Variants in PHF20L1 observed in about 807,000 individuals in gnomAD.
PHF20L1 encodes the protein PHD finger protein 20 like 1, also known as PHD finger protein 20-like protein 1.
A neutral mutation model predicts 125.5 loss-of-function variants in PHF20L1; 44 were observed. The observed-to-expected ratio is 0.35, with a 90% CI of 0.28 to 0.45. PHF20L1 has a LOEUF of 0.45. PHF20L1 is among the 20% of genes least tolerant of loss of function. The pLI, the probability that PHF20L1 is intolerant of heterozygous loss-of-function variation, is 1.00. For missense variants in PHF20L1, 1,012 were observed against 1,217.2 expected (o/e 0.83, Z 2.51); for synonymous variants, 380 against 403.1 (o/e 0.94, Z 0.69).
At chr8:132,839,242 C>T in intron 17 of PHF20L1, 145 bp from the exon 18 acceptor site, 1 of 640,962 alleles carries the variant, frequency 1.6e-6, no homozygotes, top group Non-Finnish European at 2.8e-6. Context: ...TGCACCAGTT[C>T]CTCAGAACGC....
intron 6 of PHF20L1, 115 bp downstream of exon 6, chr8:132,799,287 C>T: frequency 1.7e-6 from 1 of 606,040 alleles, no homozygotes. Context: ...TTCTTCTTTC[C>T]TTCTACAAAT....
chr8:132,827,104 A>G (rs1836267118), intron 14 of PHF20L1, among the ~76,000 whole-genome samples: 1 of 151,960 alleles, frequency 6.6e-6, no homozygotes, highest in Admixed American at 6.6e-5. Context: ...AGAGTCTTGA[A>G]CATTTCCGGG....
chr8:132,817,603 T>C (rs746049512), intron 12 of PHF20L1, 58 bp downstream of exon 12: 65 of 1,204,902 alleles, frequency 5.4e-5, no homozygotes, highest in Non-Finnish European at 7.3e-5. Context: ...CTTGCAGTTA[T>C]TAGGTATAAA....
chr8:132,778,037 A>G (rs538804483), intron 2 of PHF20L1, 126 bp downstream of exon 2: 2 of 619,088 alleles, frequency 3.2e-6, no homozygotes, highest in South Asian at 2.2e-5. Flanking sequence ...GATTACACAT[A>G]TATGTTGTTT....
chr8:132,826,018 C>T (rs1836135680), intron 14 of PHF20L1, among the ~76,000 whole-genome samples: 1 of 152,028 alleles, frequency 6.6e-6, no homozygotes, highest in Admixed American at 6.6e-5. Context: ...ATGAACACAA[C>T]TCCAAATTTA....
At chr8:132,819,208 A>T (rs1457861422) in intron 12 of PHF20L1, among the ~76,000 whole-genome samples, 1 of 151,934 alleles carries the variant, frequency 6.6e-6, no homozygotes. Context: ...AATAAGTAAG[A>T]TCGTTTTCTG....
chr8:132,840,830 G>C (rs1563855332), intron 18 of PHF20L1, among the ~76,000 whole-genome samples: 2 of 152,024 alleles, frequency 1.3e-5, no homozygotes, highest in Non-Finnish European at 2.9e-5. Flanking sequence ...ATTTTTTTAT[G>C]CTTGTCTCCC....
At chr8:132,832,058 C>T (rs140356531) in intron 14 of PHF20L1, among the ~76,000 whole-genome samples, 177 bp from the exon 15 acceptor site, 53 of 152,162 alleles carry the variant, frequency 3.5e-4, no homozygotes, top group African/African-American at 1.2e-3. Context: ...ATATTTGTTT[C>T]CCAAGTGTTC....
rs1224524957 is a variant in PHF20L1 at position 132,816,962 on chromosome 8, A to G, written c.1258A>G (p.Thr420Ala). The G allele has an allele frequency of 1.2e-6, 2 of 1,612,108 alleles. No homozygotes were observed. Among genetic ancestry groups the G allele is most frequent in the African/African-American group, 2.7e-5 (2 of 74,738 alleles). Residue 420 changes from threonine (T) to alanine (A), a missense_variant, in exon 11 of 21, where the codon ACC becomes GCC. This residue lies in a region of PHF20L1 where 119 missense variants were observed against 160.2 expected (regional missense o/e 0.74). Coordinates refer to ENST00000395386, the MANE Select transcript of PHF20L1 (RefSeq NM_016018.5). Reference protein sequence around the residue: ...ERRRRSQRLATLPMPDDSVEK... With the variant: ...ERRRRSQRLAALPMPDDSVEK... The stretch of plus-strand genomic sequence containing the variant: ...GAGAAGAAGATCTCAGCGTTTAGCC[A>G]CCTTACCCATGCCTGATGATTCTGT...
At chr8:132,823,808 T>C (rs184498271) in intron 12 of PHF20L1, among the ~76,000 whole-genome samples, 196 bp from the exon 13 acceptor site, 4 of 152,036 alleles carry the variant, frequency 2.6e-5, no homozygotes, top group Non-Finnish European at 4.4e-5. Flanking sequence ...AAAAATCACA[T>C]TTAATTTATT....
rs775534750 is a variant in PHF20L1 at position 132,797,000 on chromosome 8, A to T, written c.341-1772A>T. Among the ~76,000 whole-genome samples, 4 of 152,132 alleles carry T rather than the reference A, an allele frequency of 2.6e-5. No homozygotes were observed. In the South Asian group the frequency reaches 8.3e-4, roughly 32 times the overall value. ...GTACACACATAGCGCACACACTCAGAACAAAACCACCCTCATTCTTTATTC... is the reference window on the plus strand; with the variant it reads ...GTACACACATAGCGCACACACTCAGTACAAAACCACCCTCATTCTTTATTC... On this transcript the variant is annotated intron_variant, in intron 4 of 20. Transcript: ENST00000395386.
intron 19 of PHF20L1, 63 bp downstream of exon 19, chr8:132,842,938 A>G: frequency 1.3e-6 from 2 of 1,501,042 alleles, no homozygotes; most frequent in Non-Finnish European, 1.8e-6. Context: ...AAAATTTTAT[A>G]AAATAAGGCA....
intron 9 of PHF20L1, chr8:132,812,405 G>T: frequency 1.0e-6 from 1 of 984,956 alleles, no homozygotes. Context: ...TTAGTGTAGA[G>T]GGCAGTACCC....
chr8:132,844,574 T>G (rs1838251672), intron 20 of PHF20L1, among the ~76,000 whole-genome samples: 1 of 152,076 alleles, frequency 6.6e-6, no homozygotes, highest in Non-Finnish European at 1.5e-5. Flanking sequence ...TTTGCCAGGC[T>G]CCAGATAGAT....
chr8:132,798,856 G>A lies in PHF20L1; in HGVS notation c.425G>A (p.Gly142Glu). Residue 142 changes from glycine to glutamate, a missense_variant, in exon 5 of 21, where the codon GGG (glycine) becomes GAG (glutamate). Physicochemically the swap from Gly to Glu is moderately conservative, Grantham distance 98 (BLOSUM62 -2). Coordinates refer to ENST00000395386, the MANE Select transcript of PHF20L1 (RefSeq NM_016018.5). ...HIKAMPEDAKGQVKSQHPLSW... is the reference protein window; with the variant it reads ...HIKAMPEDAKEQVKSQHPLSW... Reference sequence around the variant, plus strand: ...AAAGCCATGCCCGAGGATGCTAAGGGGCAGGTAAGAGTGTTCAGTATTCCT... The same window carrying A: ...AAAGCCATGCCCGAGGATGCTAAGGAGCAGGTAAGAGTGTTCAGTATTCCT... 1 of 1,602,344 alleles carries A rather than the reference G, an allele frequency of 6.2e-7. No individual in the cohort carries two copies. Among genetic ancestry groups the A allele is most frequent in the Non-Finnish European group, 8.5e-7 (1 of 1,171,350 alleles).
At chr8:132,815,357 A>G (rs929901368) in intron 10 of PHF20L1, 3 of 151,782 alleles carry the variant, frequency 2.0e-5, no homozygotes, top group Non-Finnish European at 2.9e-5. Context: ...AAATGCCCCC[A>G]TGATTGTATT....
rs1586953404 is a variant in PHF20L1, at chr8:132,810,877, C to T, written c.848-169C>T. 1.8e-5 allele frequency: 10 copies of T among 556,300 alleles called. No individual in the cohort carries two copies. The East Asian group carries it at 3.1e-4, about 17-fold the overall frequency. The allele number at this position is 556,300 out of a possible 1,614,324, so 34.5% of individuals were successfully genotyped here. Reference sequence around the variant, plus strand: ...CAACTCTCAAGTTCTGATTCAGTCCCTTGGCTTATTATTAAGCATATTTGT... The same window carrying T: ...CAACTCTCAAGTTCTGATTCAGTCCTTTGGCTTATTATTAAGCATATTTGT... On this transcript the variant is annotated intron_variant, in intron 8 of 20. Transcript: ENST00000395386.
chr8:132,818,212 A>G (rs1835189137), intron 12 of PHF20L1: 1 of 151,930 alleles, frequency 6.6e-6, no homozygotes, highest in Admixed American at 6.6e-5. Context: ...AGTTTTTAAG[A>G]ATTATAACCT....
intron 15 of PHF20L1, among the ~76,000 whole-genome samples, chr8:132,836,011 G>A (rs1209298468): frequency 6.6e-6 from 1 of 150,912 alleles, no homozygotes; most frequent in East Asian, 1.9e-4. Context: ...TTTTTTTTAA[G>A]TGATTTTTCA....
Sources: gnomAD v4.1 joint callset for allele counts (sites outside exome capture counted in the v4.1 genomes callset) on GRCh38, gnomAD v4.1.1 for gene constraint, gnomAD v4.1.1 regional missense constraint, MANE v1.5 for transcripts, NCBI Gene and HGNC (gene_info 2026-07-23, HGNC 2026-07-21) for gene names.